The following GALNT13 variants were observed in gnomAD, a reference collection of about 807,000 sequenced individuals.
GALNT13 encodes the protein polypeptide N-acetylgalactosaminyltransferase 13, also known as UDP-GalNAc:polypeptide N-acetylgalactosaminyltransferase 13.
Under a neutral mutation model 64.2 loss-of-function variants are expected in GALNT13, and 28 were observed. The observed-to-expected ratio is 0.44, with a 90% CI of 0.32 to 0.60. The LOEUF is 0.60. Ranked by LOEUF, GALNT13 falls within the 20% of genes least tolerant of loss-of-function variation. GALNT13 has a pLI of 0.05. For missense variants in GALNT13, 577 were observed against 669.8 expected (o/e 0.86, Z 1.53); for synonymous variants, 214 against 224.6 (o/e 0.95, Z 0.42).
At chr2:153,783,332 C>T in the GALNT13 span, among the ~76,000 whole-genome samples, 1 of 152,042 alleles carries the variant, frequency 6.6e-6, no homozygotes, top group Admixed American at 6.5e-5. Context: ...GTCTTGAAAC[C>T]AAGAGGAAAT....
At chr2:154,100,443 AG>A (rs1702288615) in intron 3 of GALNT13, among the ~76,000 whole-genome samples, 1 of 152,098 alleles carries the variant, frequency 6.6e-6, no homozygotes, top group Non-Finnish European at 1.5e-5. Flanking sequence ...ATATATTCCT[AG>A]GTATTTTATT....
rs147743324 is a variant in GALNT13 at position 154,019,419 on chromosome 2, G to A, written c.142+74780G>A. Among the ~76,000 whole-genome samples, 560 of 152,178 alleles carry A rather than the reference G, an allele frequency of 3.7e-3. 3 individuals are homozygous for A. Among genetic ancestry groups the A allele is most frequent in the African/African-American group, 0.013 (537 of 41,532 alleles). On this transcript the variant is annotated intron_variant, in intron 3 of 12. Transcript: ENST00000392825. ...GGAGGCCAAGGCAGGTGAATCATGA[G>A]GTCAAGAGATCAAGACCATCCTGGC...
the GALNT13 span, among the ~76,000 whole-genome samples, chr2:153,352,597 A>G: frequency 1.3e-5 from 2 of 152,028 alleles, no homozygotes; most frequent in African/African-American, 4.8e-5. Context: ...TTCATTTTAC[A>G]TTTAGTTCTG....
the GALNT13 span, among the ~76,000 whole-genome samples, chr2:153,108,438 A>G: frequency 6.6e-6 from 1 of 152,058 alleles, no homozygotes; most frequent in African/African-American, 2.4e-5. Context: ...AAACATTACA[A>G]TTCCCTAAAC....
At chr2:154,301,669 G>A in intron 9 of GALNT13, 80 bp downstream of exon 9, 1 of 898,912 alleles carries the variant, frequency 1.1e-6, no homozygotes, top group South Asian at 2.1e-5. Context: ...CATTATTGCT[G>A]TTATTCTTCT....
chr2:153,497,882 C>T, the GALNT13 span, among the ~76,000 whole-genome samples: 1 of 152,244 alleles, frequency 6.6e-6, no homozygotes, highest in East Asian at 1.9e-4. Context: ...TCTGTTTACT[C>T]ATCAATGCAA....
chr2:153,984,123 C>T, intron 3 of GALNT13, among the ~76,000 whole-genome samples: 1 of 151,288 alleles, frequency 6.6e-6, no homozygotes, highest in Admixed American at 6.6e-5. Flanking sequence ...AATGAAATAC[C>T]CAATTCTTAA....
chr2:154,250,351 T>A lies in GALNT13; in HGVS notation c.857+4369T>A, dbSNP rs1213493037. ...TTCTCTACAATGTAAATTTGATATATCATCAATATTTTTCTATGCCATTAT... is the reference window on the plus strand; with the variant it reads ...TTCTCTACAATGTAAATTTGATATAACATCAATATTTTTCTATGCCATTAT... On this transcript the variant is annotated intron_variant, in intron 7 of 12. Coordinates refer to ENST00000392825, the MANE Select transcript of GALNT13 (RefSeq NM_052917.4). Among the ~76,000 whole-genome samples, 4 of 152,078 alleles carry A rather than the reference T, an allele frequency of 2.6e-5. No individual in the cohort carries two copies. In the South Asian group the frequency reaches 6.2e-4, roughly 24 times the overall value.
the GALNT13 span, among the ~76,000 whole-genome samples, chr2:153,826,289 T>C: frequency 6.6e-6 from 1 of 152,126 alleles, no homozygotes; most frequent in Non-Finnish European, 1.5e-5. Flanking sequence ...GCCTTGATTA[T>C]AGCCCACTAA....
the GALNT13 span, among the ~76,000 whole-genome samples, chr2:153,572,363 A>G: frequency 1.3e-5 from 2 of 148,546 alleles, no homozygotes; most frequent in African/African-American, 2.4e-5. Context: ...TAGTTTGGCT[A>G]AAGGTTTGTT....
At chr2:153,643,751 A>G in the GALNT13 span, among the ~76,000 whole-genome samples, 1 of 152,016 alleles carries the variant, frequency 6.6e-6, no homozygotes, top group African/African-American at 2.4e-5. Flanking sequence ...TAGATATATC[A>G]CAATAAATTT....
the GALNT13 span, among the ~76,000 whole-genome samples, chr2:153,533,710 T>C: frequency 6.8e-6 from 1 of 148,030 alleles, no homozygotes; most frequent in African/African-American, 2.5e-5. Context: ...TACTTTGATA[T>C]CCTGAGGTTT....
At chr2:153,823,337 C>G in the GALNT13 span, among the ~76,000 whole-genome samples, 1 of 152,138 alleles carries the variant, frequency 6.6e-6, no homozygotes, top group East Asian at 1.9e-4. Flanking sequence ...GTGAAAAGAC[C>G]GAAACCAGAG....
At chr2:153,895,439 C>T (rs761864853) in intron 1 of GALNT13, among the ~76,000 whole-genome samples, 5 of 151,886 alleles carry the variant, frequency 3.3e-5, no homozygotes, top group Non-Finnish European at 7.4e-5. Context: ...CATGCCTTTC[C>T]GTATAAACAA....
At chr2:154,090,362 C>G (rs1405592105) in intron 3 of GALNT13, among the ~76,000 whole-genome samples, 2 of 152,070 alleles carry the variant, frequency 1.3e-5, no homozygotes, top group African/African-American at 2.4e-5. Context: ...AATTAATCAG[C>G]TTTTATTTTA....
the GALNT13 span, among the ~76,000 whole-genome samples, chr2:153,548,670 T>C: frequency 6.6e-6 from 1 of 152,180 alleles, no homozygotes; most frequent in Admixed American, 6.6e-5. Context: ...TTCCAGTCTC[T>C]TTATCTGAGT....
chr2:154,043,415 TA>T (rs34392675), intron 3 of GALNT13, among the ~76,000 whole-genome samples: 1,165 of 83,546 alleles, frequency 0.014, 46 homozygotes, highest in South Asian at 0.052. Context: ...TAAGGACTTT[TA>T]TATATATATA....
intron 3 of GALNT13, among the ~76,000 whole-genome samples, chr2:154,126,363 C>T (rs924847981): frequency 5.9e-5 from 9 of 152,062 alleles, no homozygotes; most frequent in South Asian, 2.1e-4. Context: ...GGGCCAGGCG[C>T]GGTTGCTCAC....
rs1027986245 is a variant in GALNT13 at position 153,951,451 on chromosome 2, A to G, written c.142+6812A>G. On this transcript the variant is annotated intron_variant, in intron 3 of 12. Transcript: ENST00000392825. ...GTAGGAAATGATGTCTGCTTAGAGCAAAATAGTGCAAAATGAGGTGTAAGA... is the reference window on the plus strand; with the variant it reads ...GTAGGAAATGATGTCTGCTTAGAGCGAAATAGTGCAAAATGAGGTGTAAGA... Among the ~76,000 whole-genome samples, 3 of 152,168 alleles carry G rather than the reference A, an allele frequency of 2.0e-5. No individual in the cohort carries two copies. The East Asian group carries it at 5.8e-4, about 29-fold the overall frequency.
Sources: allele counts gnomAD v4.1 joint callset (sites outside exome capture counted in the v4.1 genomes callset), GRCh38; gene constraint gnomAD v4.1.1; transcripts MANE v1.5; gene names NCBI Gene and HGNC (gene_info 2026-07-23, HGNC 2026-07-21).